COMMD9: variants seen among roughly 807,000 people sequenced by gnomAD.
COMMD9 encodes COMM domain containing 9, also known as COMM domain-containing protein 9.
Under a neutral mutation model 23.4 loss-of-function variants are expected in COMMD9, and 22 were observed. The observed-to-expected ratio is 0.94, with a 90% CI of 0.67 to 1.34. The LOEUF is 1.34. Among genes scored for constraint, COMMD9 ranks in the 40% most tolerant of loss-of-function variants. The probability of loss-of-function intolerance (pLI) is 0.00; values close to 1 mark genes in which losing one functional copy is unlikely to be tolerated. For missense variants in COMMD9, 231 were observed against 240.2 expected (o/e 0.96, Z 0.25); for synonymous variants, 99 against 97.4 (o/e 1.02, Z -0.10).
At chr11:36,283,492 A>G (rs1187007735) in intron 1 of COMMD9, among the ~76,000 whole-genome samples, 1 of 152,226 alleles carries the variant, frequency 6.6e-6, no homozygotes, top group East Asian at 1.9e-4. Flanking sequence ...TAAAATGATG[A>G]CACCAATAGA....
intron 2 of COMMD9, among the ~76,000 whole-genome samples, chr11:36,279,832 G>A (rs1235090452): frequency 6.6e-6 from 1 of 152,200 alleles, no homozygotes; most frequent in Non-Finnish European, 1.5e-5. Context: ...TAGGCCAGGT[G>A]CAGTGGCTCA....
chr11:36,281,550 T>G lies in COMMD9; in HGVS notation c.52-713A>C, dbSNP rs140054820. On this transcript the variant is annotated intron_variant, in intron 1 of 5. Coordinates refer to ENST00000263401, the MANE Select transcript of COMMD9 (RefSeq NM_014186.4). ...CCACGTGGAGTCAGAGATTCCACCC[T>G]TACCCAGTGGTAACAAGGAACCTCT... Among the ~76,000 whole-genome samples the G allele has an allele frequency of 7.0e-4, 106 of 152,320 alleles. No homozygotes were observed. In the East Asian group the frequency reaches 0.018, roughly 25 times the overall value.
chr11:36,288,574 G>A (rs1315092778), intron 1 of COMMD9, among the ~76,000 whole-genome samples: 2 of 152,134 alleles, frequency 1.3e-5, no homozygotes, highest in Non-Finnish European at 2.9e-5. Context: ...AGGCGGAGGC[G>A]AGTGGATCAC....
intron 4 of COMMD9, 44 bp downstream of exon 4, chr11:36,277,045 G>T (rs778079607): frequency 1.3e-6 from 2 of 1,556,406 alleles, no homozygotes; most frequent in African/African-American, 2.7e-5. Context: ...AGCTGGGGCT[G>T]GGGAGACAAG....
intron 5 of COMMD9, 82 bp from the exon 6 acceptor site, chr11:36,274,854 G>A (rs1187769643): frequency 1.3e-6 from 2 of 1,547,092 alleles, no homozygotes; most frequent in African/African-American, 2.7e-5. Flanking sequence ...CTGCGAGGCT[G>A]AGCTCAGTTC....
chr11:36,288,446 G>A (rs1287650092), intron 1 of COMMD9, among the ~76,000 whole-genome samples: 2 of 151,862 alleles, frequency 1.3e-5, no homozygotes. Flanking sequence ...CGGGCAAATA[G>A]CTAGCGACAA....
intron 2 of COMMD9, among the ~76,000 whole-genome samples, chr11:36,279,071 C>T (rs1856023570): frequency 6.6e-6 from 1 of 152,144 alleles, no homozygotes; most frequent in South Asian, 2.1e-4. Context: ...TCTGGACTTG[C>T]CTATGTGTGG....
intron 1 of COMMD9, among the ~76,000 whole-genome samples, chr11:36,284,104 TCAACAACAACAACAACAACAA>T (rs79468939): frequency 4.7e-5 from 7 of 149,470 alleles, no homozygotes; most frequent in East Asian, 2.0e-4. Flanking sequence ...AGACCCTGTC[TCAACAACAACAACAACAACAA>T]CAACAACAAC....
chr11:36,278,426 A>G, intron 3 of COMMD9, 51 bp downstream of exon 3: 3 of 1,518,096 alleles, frequency 2.0e-6, no homozygotes, highest in Non-Finnish European at 2.7e-6. Context: ...GAGAATAAAA[A>G]TAATAAGAAA....
At chr11:36,275,063 A>G (rs181075336) in intron 5 of COMMD9, among the ~76,000 whole-genome samples, 2 of 152,320 alleles carry the variant, frequency 1.3e-5, no homozygotes, top group Admixed American at 1.3e-4. Context: ...CTCAGCATTC[A>G]AGCAAGAAAA....
At chr11:36,288,014 G>C (rs927148106) in intron 1 of COMMD9, among the ~76,000 whole-genome samples, 8 of 152,162 alleles carry the variant, frequency 5.3e-5, no homozygotes, top group African/African-American at 1.9e-4. Context: ...AACAGGTATA[G>C]GGGCGGGGGT....
chr11:36,285,973 G>C (rs7124423), intron 1 of COMMD9, among the ~76,000 whole-genome samples: 23,056 of 152,030 alleles, frequency 0.15, 1,950 homozygotes, highest in African/African-American at 0.23. Flanking sequence ...CCAAAACTGA[G>C]AACAAGGCAA....
At chr11:36,277,828 T>G (rs12272725) in intron 3 of COMMD9, among the ~76,000 whole-genome samples, 16,911 of 152,152 alleles carry the variant, frequency 0.11, 1,181 homozygotes, top group East Asian at 0.2. Flanking sequence ...ATTGTGGAAC[T>G]GGGAAAAATG....
chr11:36,287,163 T>TACATC (rs1366058847), intron 1 of COMMD9, among the ~76,000 whole-genome samples: 8 of 1,086 alleles, frequency 7.4e-3, no homozygotes, highest in African/African-American at 0.016. Context: ...ACATACTATG[T>TACATC]ATATCGCGTA....
At chr11:36,280,865 A>C (rs551385263) in intron 1 of COMMD9, 28 bp from the exon 2 acceptor site, 2 of 1,528,664 alleles carry the variant, frequency 1.3e-6, no homozygotes, top group Admixed American at 4.4e-5. Context: ...GATAGGAAAA[A>C]AAAAAACTCA....
intron 3 of COMMD9, 132 bp downstream of exon 3, chr11:36,278,344 GT>G (rs1856009052): frequency 4.0e-6 from 3 of 754,896 alleles, no homozygotes; most frequent in Non-Finnish European, 4.4e-6. Flanking sequence ...GGAATTACAG[GT>G]GTCTTATTTT....
chr11:36,278,458 T>G lies in COMMD9; in HGVS notation c.317+19A>C, dbSNP rs762746499. On this transcript the variant is annotated intron_variant, in intron 3 of 5. Transcript: ENST00000263401. ...GAAATGTAAAAGTTAGAAGGGACTT[T>G]CAAGAAATGAGCACTTACACATGTT... 1.2e-5 allele frequency: 19 copies of G among 1,602,984 alleles called. No individual in the cohort carries two copies. The Admixed American group carries it at 3.2e-4, about 27-fold the overall frequency.
chr11:36,276,551 C>G (rs2305169), intron 4 of COMMD9: 149,659 of 298,578 alleles, frequency 0.5, 37,816 homozygotes, highest in East Asian at 0.55. Context: ...ATGGCCTGAG[C>G]CTTAGGAAAT....
chr11:36,289,229 G>T, intron 1 of COMMD9, 133 bp downstream of exon 1: 1 of 721,490 alleles, frequency 1.4e-6, no homozygotes, highest in Non-Finnish European at 2.1e-6. Flanking sequence ...GCAACGATTT[G>T]CCTGGGATCA....
Sources: allele counts gnomAD v4.1 joint callset (sites outside exome capture counted in the v4.1 genomes callset), GRCh38; gene constraint gnomAD v4.1.1; transcripts MANE v1.5; gene names NCBI Gene and HGNC (gene_info 2026-07-23, HGNC 2026-07-21).